TBL1XR1: variants seen among roughly 807,000 people sequenced by gnomAD.
TBL1XR1 encodes the protein F-box-like/WD repeat-containing protein TBL1XR1.
In TBL1XR1, 5 loss-of-function variants were observed where a neutral mutation model predicts 66.9. The observed-to-expected ratio is 0.07, with a 90% CI of 0.04 to 0.16. The LOEUF is 0.16. TBL1XR1 is among the 10% of genes least tolerant of loss of function. The pLI, the probability that TBL1XR1 is intolerant of heterozygous loss-of-function variation, is 1.00. For synonymous variants in TBL1XR1, 210 were observed against 206.0 expected (o/e 1.02, Z -0.17); for missense variants, 238 against 623.2 (o/e 0.38, Z 6.58).
At position 177,025,197 on chromosome 3, in the gene TBL1XR1, C is replaced by T. The variant is rs1576954720; in HGVS notation, c.*301G>A. The stretch of plus-strand genomic sequence containing the variant: ...CAAAAACTGGTACATGTATGTTCTG[C>T]TTTTATAATGTATATTTTTCTCTCT... On this transcript the variant is annotated 3_prime_UTR_variant, in exon 16 of 16. Coordinates refer to ENST00000457928, the MANE Select transcript of TBL1XR1 (RefSeq NM_024665.7). 1 of 344,806 alleles carries T rather than the reference C, an allele frequency of 2.9e-6. No individual in the cohort carries two copies. The highest frequency in any genetic ancestry group is 4.7e-5 in the East Asian group (1 of 21,280). The allele number at this position is 344,806 out of a possible 1,614,324, so 21.4% of individuals were successfully genotyped here.
chr3:177,134,973 G>GTGTGTGTGTC (rs758156655), intron 1 of TBL1XR1, among the ~76,000 whole-genome samples: 11 of 150,540 alleles, frequency 7.3e-5, no homozygotes, highest in Non-Finnish European at 1.0e-4. Context: ...GTGTCTGTGT[G>GTGTGTGTGTC]TGTGTCTGTG....
intron 1 of TBL1XR1, among the ~76,000 whole-genome samples, chr3:177,165,072 A>G (rs1577358554): frequency 1.3e-5 from 2 of 152,196 alleles, no homozygotes; most frequent in East Asian, 1.9e-4. Flanking sequence ...AGCTAACACA[A>G]TAAGAAAAGG....
At chr3:177,034,858 GA>G (rs1315529646) in intron 12 of TBL1XR1, among the ~76,000 whole-genome samples, 3 of 151,818 alleles carry the variant, frequency 2.0e-5, no homozygotes, top group Non-Finnish European at 2.9e-5. Context: ...TTCCTGAGAT[GA>G]AAATATGCCT....
chr3:177,096,704 T>C (rs1193509371), intron 2 of TBL1XR1, among the ~76,000 whole-genome samples: 1 of 152,202 alleles, frequency 6.6e-6, no homozygotes, highest in Admixed American at 6.5e-5. Flanking sequence ...ATACCAAAGT[T>C]GATTTACCAT....
intron 1 of TBL1XR1, among the ~76,000 whole-genome samples, chr3:177,184,356 C>T (rs1370195906): frequency 1.3e-5 from 2 of 152,106 alleles, no homozygotes; most frequent in African/African-American, 4.8e-5. Flanking sequence ...TAAAGTCAAC[C>T]ACTATGAGAA....
chr3:177,135,087 C>T (rs1280356757), intron 1 of TBL1XR1, among the ~76,000 whole-genome samples: 2 of 151,532 alleles, frequency 1.3e-5, no homozygotes, highest in African/African-American at 4.9e-5. Flanking sequence ...ACTGCAACCT[C>T]TGTCTCCAGG....
chr3:177,193,124 G>A (rs761455421), intron 1 of TBL1XR1, among the ~76,000 whole-genome samples: 1 of 151,594 alleles, frequency 6.6e-6, no homozygotes, highest in Non-Finnish European at 1.5e-5. Context: ...CTGCACTCCA[G>A]CCTGGGCAAC....
Position 177,038,153 on chromosome 3 carries a change from T to C in TBL1XR1, c.1067A>G (p.Lys356Arg). ...CAAGAGATTGCCAGTTGGGTCCCAT[T>C]TGATAGCATTTACTTCATTCTAAAA... ...QGHTNEVNAI[K>R]WDPTGNLLAS... The change falls in exon 12 of 16, where the codon AAA (lysine) becomes AGA (arginine). Residue 356 changes from lysine (K) to arginine (R), a missense_variant. Around this residue, in one of 8 missense-constraint regions of TBL1XR1, gnomAD observed 89 missense variants for 220.2 expected, o/e 0.40. Transcript: ENST00000457928. 1.2e-6 allele frequency: 2 copies of C among 1,613,468 alleles called. No individual in the cohort carries two copies. Among genetic ancestry groups the C allele is most frequent in the Non-Finnish European group, 1.7e-6 (2 of 1,179,812 alleles).
intron 1 of TBL1XR1, among the ~76,000 whole-genome samples, chr3:177,142,775 C>T (rs1729777618): frequency 6.6e-6 from 1 of 152,128 alleles, no homozygotes; most frequent in Non-Finnish European, 1.5e-5. Flanking sequence ...TCAATCCTCA[C>T]CAATTCATGG....
chr3:177,061,932 T>G (rs1027982264), intron 3 of TBL1XR1, among the ~76,000 whole-genome samples: 1 of 152,178 alleles, frequency 6.6e-6, no homozygotes, highest in Non-Finnish European at 1.5e-5. Context: ...TTGGAATAAG[T>G]GGCAAGTGCC....
chr3:177,070,046 GTTGT>G (rs780408909), intron 2 of TBL1XR1, among the ~76,000 whole-genome samples: 4 of 152,146 alleles, frequency 2.6e-5, no homozygotes, highest in Non-Finnish European at 5.9e-5. Context: ...CAGAATATTT[GTTGT>G]TTATTTGATG....
intron 1 of TBL1XR1, among the ~76,000 whole-genome samples, chr3:177,116,208 A>G (rs1577215148): frequency 6.6e-6 from 1 of 152,036 alleles, no homozygotes; most frequent in East Asian, 1.9e-4. Flanking sequence ...CCCCCAACCC[A>G]TGTCACACAA....
chr3:177,199,676 A>G (rs549423459), upstream of TBL1XR1, among the ~76,000 whole-genome samples: 51 of 151,666 alleles, frequency 3.4e-4, no homozygotes, highest in African/African-American at 1.2e-3. Context: ...CCCTTATTCC[A>G]CAAGGGAGGA....
upstream of TBL1XR1, among the ~76,000 whole-genome samples, chr3:177,199,122 A>G (rs997132123): frequency 6.6e-6 from 1 of 152,214 alleles, no homozygotes; most frequent in Non-Finnish European, 1.5e-5. Flanking sequence ...CAACCACCAG[A>G]GAGTTCAAAG....
intron 1 of TBL1XR1, among the ~76,000 whole-genome samples, chr3:177,194,643 CA>C (rs1183213349): frequency 1.3e-5 from 2 of 152,118 alleles, no homozygotes; most frequent in African/African-American, 4.8e-5. Context: ...AGTTGATGTT[CA>C]AAAGGTCTAT....
intron 1 of TBL1XR1, among the ~76,000 whole-genome samples, chr3:177,149,763 C>T (rs1030969962): frequency 6.6e-6 from 1 of 152,112 alleles, no homozygotes; most frequent in Non-Finnish European, 1.5e-5. Flanking sequence ...ATACAAACTT[C>T]AATGTATCAT....
intron 1 of TBL1XR1, among the ~76,000 whole-genome samples, chr3:177,132,951 T>G (rs762633738): frequency 1.3e-5 from 2 of 152,194 alleles, no homozygotes; most frequent in African/African-American, 2.4e-5. Flanking sequence ...CCCTCCAGAA[T>G]GAATGCTCTG....
chr3:177,093,845 T>A (rs545101078), intron 2 of TBL1XR1, among the ~76,000 whole-genome samples: 2 of 152,268 alleles, frequency 1.3e-5, no homozygotes, highest in South Asian at 4.1e-4. Context: ...AAGAGTTGAA[T>A]CTAACACCTG....
At position 177,020,670 on chromosome 3, in the gene TBL1XR1, C is replaced by G. The variant is rs1351630249; in HGVS notation, c.*4828G>C. On this transcript the variant is annotated 3_prime_UTR_variant, in exon 16 of 16. Coordinates refer to ENST00000457928, the MANE Select transcript of TBL1XR1 (RefSeq NM_024665.7). ...TAAACAAACTGTAAACAAGAAATAC[C>G]ATCCCTCTCTCTTTACCTGACTAGT... 6.6e-6 allele frequency: 1 copy of G among 152,078 alleles called. No homozygotes were observed. Among genetic ancestry groups the G allele is most frequent in the Non-Finnish European group, 1.5e-5 (1 of 67,980 alleles). The allele number at this position is 152,078 out of a possible 1,614,324, so 9.4% of individuals were successfully genotyped here. A position where few individuals can be genotyped will look rare whatever the true frequency, so the allele number is the denominator to read the frequency against.
Sources: gnomAD v4.1 joint callset for allele counts (sites outside exome capture counted in the v4.1 genomes callset) on GRCh38, gnomAD v4.1.1 for gene constraint, gnomAD v4.1.1 regional missense constraint, MANE v1.5 for transcripts, NCBI Gene and HGNC (gene_info 2026-07-23, HGNC 2026-07-21) for gene names.